The following MTMR7 variants were observed in gnomAD, a reference collection of about 807,000 sequenced individuals.
MTMR7 encodes phosphatidylinositol-3-phosphate phosphatase MTMR7.
A neutral mutation model predicts 81.2 loss-of-function variants in MTMR7; 76 were observed. That is an observed-to-expected ratio of 0.94 (90% confidence interval 0.78 to 1.13). The LOEUF (loss-of-function observed/expected upper bound fraction) is 1.13. MTMR7 is among the 50% of genes most tolerant of loss of function. The probability of loss-of-function intolerance (pLI) is 0.00; values close to 1 mark genes in which losing one functional copy is unlikely to be tolerated. For missense variants in MTMR7, 1,044 were observed against 820.0 expected (o/e 1.27, Z -3.34); for synonymous variants, 372 against 289.8 (o/e 1.28, Z -2.88).
chr8:17,383,869 G>A (rs902112329), intron 1 of MTMR7, among the ~76,000 whole-genome samples: 2 of 152,138 alleles, frequency 1.3e-5, no homozygotes, highest in Non-Finnish European at 2.9e-5. Flanking sequence ...GCCTCCTGCA[G>A]CTTTGGAGGA....
chr8:17,377,951 CATAAG>C (rs1460240460), intron 1 of MTMR7, among the ~76,000 whole-genome samples: 1 of 152,082 alleles, frequency 6.6e-6, no homozygotes. Context: ...TCATATTGAG[CATAAG>C]ATAATACTTT....
intron 4 of MTMR7, 69 bp downstream of exon 4, chr8:17,361,048 T>A: frequency 6.4e-7 from 1 of 1,550,818 alleles, no homozygotes; most frequent in Non-Finnish European, 8.9e-7. Context: ...GAGATAAAAA[T>A]AAAGGGATGC....
At chr8:17,306,576 A>G (rs1174274092) in intron 10 of MTMR7, among the ~76,000 whole-genome samples, 2 of 152,210 alleles carry the variant, frequency 1.3e-5, no homozygotes, top group Non-Finnish European at 2.9e-5. Flanking sequence ...TGATTTTAAA[A>G]TGAAGACTCC....
intron 12 of MTMR7, among the ~76,000 whole-genome samples, chr8:17,303,489 T>G (rs1817257997): frequency 6.6e-6 from 1 of 151,910 alleles, no homozygotes; most frequent in South Asian, 2.1e-4. Context: ...GACCTTTGAG[T>G]TTTTTCATAT....
At chr8:17,307,123 T>G (rs1563317967) in intron 10 of MTMR7, among the ~76,000 whole-genome samples, 2 of 151,572 alleles carry the variant, frequency 1.3e-5, no homozygotes, top group African/African-American at 2.4e-5. Context: ...TGGGAGAAAA[T>G]TTTTGCAACC....
In MTMR7 at chr8:17,311,649, C is replaced by T. The variant is rs375713199; in HGVS notation, c.976-13G>A. ...CCTCTGACACTGCCTAGAAAACACA[C>T]GATCCGCAAAGAGTCACAAAGAATG... On this transcript the variant is annotated splice_polypyrimidine_tract_variant and intron_variant, in intron 8 of 13. Coordinates refer to ENST00000180173, the MANE Select transcript of MTMR7 (RefSeq NM_004686.5). The T allele has an allele frequency of 1.9e-5, 30 of 1,613,778 alleles. No individual in the cohort carries two copies. The highest frequency in any genetic ancestry group is 3.3e-4 in the Middle Eastern group (2 of 6,082).
chr8:17,388,017 G>C (rs765497018), intron 1 of MTMR7, among the ~76,000 whole-genome samples: 12 of 152,276 alleles, frequency 7.9e-5, no homozygotes, highest in Non-Finnish European at 1.5e-4. Flanking sequence ...GCCAAGCTAC[G>C]TAAGAAGTAA....
chr8:17,403,761 T>A (rs926107069), intron 1 of MTMR7, among the ~76,000 whole-genome samples: 1 of 151,828 alleles, frequency 6.6e-6, no homozygotes, highest in Non-Finnish European at 1.5e-5. Flanking sequence ...CAGCGTTTTA[T>A]AGTTTGCCTT....
intron 1 of MTMR7, among the ~76,000 whole-genome samples, chr8:17,378,411 T>G (rs115364716): frequency 0.022 from 3,380 of 152,260 alleles, 136 homozygotes; most frequent in African/African-American, 0.077. Flanking sequence ...TGAAATAAAT[T>G]TCAGAGTTTG....
Position 17,299,767 on chromosome 8 carries a change from G to T in MTMR7, c.*95C>A. ...GCATTAAAGTAGTTCTCAATGACAT[G>T]CACCATTTCCTGTTTTTACAATAAA... On this transcript the variant is annotated 3_prime_UTR_variant, in exon 14 of 14. Coordinates refer to ENST00000180173, the MANE Select transcript of MTMR7 (RefSeq NM_004686.5). 1 of 1,513,952 alleles carries T rather than the reference G, an allele frequency of 6.6e-7. No homozygotes were observed. Among genetic ancestry groups the T allele is most frequent in the South Asian group, 1.3e-5 (1 of 77,692 alleles). 93.8% of individuals were successfully genotyped at this position (1,513,952 alleles called of 1,614,324 possible).
At chr8:17,370,310 C>A (rs1820378305) in intron 3 of MTMR7, among the ~76,000 whole-genome samples, 1 of 151,772 alleles carries the variant, frequency 6.6e-6, no homozygotes, top group South Asian at 2.1e-4. Flanking sequence ...TACTTGAGGC[C>A]ACGAGTTCAA....
chr8:17,374,531 G>C (rs1353561314), intron 1 of MTMR7, among the ~76,000 whole-genome samples: 1 of 152,164 alleles, frequency 6.6e-6, no homozygotes, highest in Non-Finnish European at 1.5e-5. Context: ...TGAGGCAGGA[G>C]AATCGCTTGA....
intron 5 of MTMR7, among the ~76,000 whole-genome samples, chr8:17,347,935 G>A (rs1162492787): frequency 1.3e-5 from 2 of 152,180 alleles, no homozygotes; most frequent in African/African-American, 4.8e-5. Context: ...TGACTGTACT[G>A]AAGTGACCTC....
chr8:17,371,100 T>A lies in MTMR7; in HGVS notation c.247A>T (p.Ile83Phe). 1 of 1,614,240 alleles carries A rather than the reference T, an allele frequency of 6.2e-7. No homozygotes were observed. Among genetic ancestry groups the A allele is most frequent in the Non-Finnish European group, 8.5e-7 (1 of 1,180,028 alleles). The change falls in exon 3 of 14, where the codon ATC becomes TTC. Residue 83 changes from isoleucine to phenylalanine, a missense_variant. Transcript: ENST00000180173. ...TGGCAATCTCTTTCCTGAGGTATGA[T>A]GAGCTGTATTATCTGAAAGTTCTTG... ...RCKNFQIIQL[I>F]IPQERDCHDV...
chr8:17,375,207 C>A (rs1195266245), intron 1 of MTMR7, among the ~76,000 whole-genome samples: 1 of 152,102 alleles, frequency 6.6e-6, no homozygotes, highest in African/African-American at 2.4e-5. Context: ...CCTCAAAACA[C>A]CAAGAGCAAA....
At chr8:17,338,063 C>T (rs1819303590) in intron 6 of MTMR7, among the ~76,000 whole-genome samples, 1 of 152,216 alleles carries the variant, frequency 6.6e-6, no homozygotes, top group South Asian at 2.1e-4. Context: ...GGAGGCCTAA[C>T]ACACTCTGGA....
intron 3 of MTMR7, among the ~76,000 whole-genome samples, chr8:17,368,828 A>G (rs550916885): frequency 3.9e-5 from 6 of 152,302 alleles, no homozygotes. Context: ...GATGGCTTTG[A>G]TTCAGTGAAT....
Position 17,348,980 on chromosome 8 carries a change from G to T in MTMR7, c.570C>A (p.Val190=). 2 of 1,613,558 alleles carry T rather than the reference G, an allele frequency of 1.2e-6. No homozygotes were observed. Among genetic ancestry groups the T allele is most frequent in the African/African-American group, 2.7e-5 (2 of 74,764 alleles). ...GGTTATCTTTATAATAGTAAGAAAG[G>T]ACAGGAAATCGCCGTCTACTCCGGA... The part of the protein sequence containing the change: ...SKFRSRRRFP[V]LSYYYKDNHA... Residue 190 remains valine (V), a synonymous_variant, in exon 5 of 14, where the codon GTC becomes GTA. Coordinates refer to ENST00000180173, the MANE Select transcript of MTMR7 (RefSeq NM_004686.5).
chr8:17,307,987 T>C (rs1336298453), intron 10 of MTMR7, among the ~76,000 whole-genome samples: 1 of 151,844 alleles, frequency 6.6e-6, no homozygotes, highest in Non-Finnish European at 1.5e-5. Context: ...TGTATATATA[T>C]GTAACAAACC....
Sources: allele counts gnomAD v4.1 joint callset (sites outside exome capture counted in the v4.1 genomes callset), GRCh38; gene constraint gnomAD v4.1.1; transcripts MANE v1.5; gene names NCBI Gene and HGNC (gene_info 2026-07-23, HGNC 2026-07-21).